COPG1: variants seen among roughly 807,000 people sequenced by gnomAD.
COPG1 encodes coat protein complex I subunit gamma 1.
Under a neutral mutation model 102.8 loss-of-function variants are expected in COPG1, and 29 were observed. That is an observed-to-expected ratio of 0.28 (90% CI 0.21 to 0.38). The LOEUF is 0.38. Among genes scored for constraint, COPG1 ranks in the 10% least tolerant of loss-of-function variants. The pLI, the probability that COPG1 is intolerant of heterozygous loss-of-function variation, is 1.00. For missense variants in COPG1, 875 were observed against 1,132.7 expected (o/e 0.77, Z 3.27); for synonymous variants, 406 against 421.6 (o/e 0.96, Z 0.45).
Position 129,254,651 on chromosome 3 carries a change from T to C in COPG1, c.324-17T>C. On this transcript the variant is annotated splice_polypyrimidine_tract_variant and intron_variant, in intron 5 of 23. Transcript: ENST00000314797. ...GCCCAGGCTCTCTGCATGCTGACAA[T>C]GCCTTCTTCCCTGCAGCCTAACAAA... The C allele has an allele frequency of 6.2e-7, 1 of 1,610,724 alleles. No homozygotes were observed. Among genetic ancestry groups the C allele is most frequent in the East Asian group, 2.2e-5 (1 of 44,866 alleles).
chr3:129,262,514 A>G lies in COPG1; in HGVS notation c.1129-1390A>G, dbSNP rs544911037. On this transcript the variant is annotated intron_variant, in intron 12 of 23. Coordinates refer to ENST00000314797, the MANE Select transcript of COPG1 (RefSeq NM_016128.4). ...ATGATCAACCCGCCTTGGCCTCCCA[A>G]AGTGCTGGGATTACAGACGTGAGCC... is the stretch of plus-strand genomic sequence containing the variant. 8.5e-5 allele frequency among the ~76,000 whole-genome samples: 13 copies of G among 152,076 alleles called. No homozygotes were observed. The East Asian group carries it at 2.3e-3, about 27-fold the overall frequency.
intron 8 of COPG1, 40 bp downstream of exon 8, chr3:129,256,194 G>A (rs1320752287): frequency 6.4e-7 from 1 of 1,571,150 alleles, no homozygotes; most frequent in African/African-American, 1.3e-5. Context: ...AAACACTCAG[G>A]CAGGTGGTAA....
At chr3:129,265,489 G>T in intron 13 of COPG1, 60 bp from the exon 14 acceptor site, 1 of 1,588,542 alleles carries the variant, frequency 6.3e-7, no homozygotes, top group South Asian at 1.1e-5. Flanking sequence ...GTCCAGCTCA[G>T]GTCTTCAACT....
At chr3:129,270,354 C>T (rs572354580) in intron 18 of COPG1, among the ~76,000 whole-genome samples, 2 of 152,072 alleles carry the variant, frequency 1.3e-5, no homozygotes, top group African/African-American at 4.8e-5. Context: ...ATGTTCAGTT[C>T]CAAGAACTTT....
At chr3:129,257,682 TG>T in intron 9 of COPG1, 44 bp from the exon 10 acceptor site, 1 of 1,613,346 alleles carries the variant, frequency 6.2e-7, no homozygotes, top group African/African-American at 1.3e-5. Flanking sequence ...CCTACCATGC[TG>T]GGCCACCCCC....
At chr3:129,252,829 C>T in intron 4 of COPG1, 47 bp from the exon 5 acceptor site, 3 of 1,595,836 alleles carry the variant, frequency 1.9e-6, no homozygotes, top group Middle Eastern at 1.7e-4. Context: ...CCAACTCTGG[C>T]CCTTGGTGAG....
In COPG1 at chr3:129,271,865, A is replaced by C; in HGVS notation, c.1942A>C (p.Ile648Leu). 2 of 1,614,164 alleles carry C rather than the reference A, an allele frequency of 1.2e-6. No homozygotes were observed. Among genetic ancestry groups the C allele is most frequent in the Non-Finnish European group, 1.7e-6 (2 of 1,180,044 alleles). ...ALTESETEYV[I>L]RCTKHTFTNH... is the part of the protein sequence containing the mutation. ...CACCGAGTCAGAGACGGAGTATGTC[A>C]TCCGCTGCACCAAACACACCTTCAC... Residue 648 changes from isoleucine (I) to leucine (L), a missense_variant, in exon 19 of 24, where the codon ATC becomes CTC. Ile to Leu is a conservative substitution (Grantham distance 5, BLOSUM62 2). Transcript: ENST00000314797. This position sits in a 1 kb window ranked among gnomAD's most constrained non-coding sequence, Gnocchi z 4.7.
At position 129,260,663 on chromosome 3, in the gene COPG1, T is replaced by A; in HGVS notation, c.984T>A (p.Asp328Glu). 4 of 1,614,134 alleles carry A rather than the reference T, an allele frequency of 2.5e-6. No homozygotes were observed. Among genetic ancestry groups the A allele is most frequent in the Non-Finnish European group, 3.4e-6 (4 of 1,180,030 alleles). Residue 328 changes from aspartate (D) to glutamate (E), a missense_variant, in exon 12 of 24, where the codon GAT (aspartate) becomes GAA (glutamate). Physicochemically the swap from Asp to Glu is conservative, Grantham distance 45 (BLOSUM62 2). Transcript: ENST00000314797. ...HPSAVTACNL[D>E]LENLVTDSNR... is the part of the protein sequence containing the mutation. The stretch of plus-strand genomic sequence containing the variant: ...CAGCTGTGACAGCTTGTAATCTGGA[T>A]CTGGAGAACCTGGTCACAGATTCAA...
In COPG1 at chr3:129,274,840, G is replaced by A. The variant is rs1289558748; in HGVS notation, c.2259G>A (p.Leu753=). ...DDEGYEDEYV[L]EDLEVTVADH... ...GATTTCTACCTCCATCTCTCCAGCT[G>A]GAAGATCTGGAAGTTACTGTAGCTG... The change falls in exon 22 of 24, where the codon CTG becomes CTA. Residue 753 remains leucine, a splice_region_variant and synonymous_variant. Transcript: ENST00000314797. 1 of 1,613,950 alleles carries A rather than the reference G, an allele frequency of 6.2e-7. No homozygotes were observed. Among genetic ancestry groups the A allele is most frequent in the Non-Finnish European group, 8.5e-7 (1 of 1,180,004 alleles).
At chr3:129,258,934 A>C (rs1000828628) in intron 10 of COPG1, among the ~76,000 whole-genome samples, 7 of 152,046 alleles carry the variant, frequency 4.6e-5, no homozygotes, top group African/African-American at 1.7e-4. Flanking sequence ...AGAAAAGGAG[A>C]GGTGCTTAGG....
chr3:129,251,371 T>A lies in COPG1; in HGVS notation c.90+637T>A, dbSNP rs536275199. Among the ~76,000 whole-genome samples, 278 of 146,664 alleles carry A rather than the reference T, an allele frequency of 1.9e-3. 4 individuals carry two copies. Among genetic ancestry groups the A allele is most frequent in the East Asian group, 0.016 (81 of 5,086 alleles). Reference sequence around the variant, plus strand: ...TGTTTATTTTTATTATATATATTTTTTATATATATATATATATGTATTTTT... The same window carrying A: ...TGTTTATTTTTATTATATATATTTTATATATATATATATATATGTATTTTT... On this transcript the variant is annotated intron_variant, in intron 2 of 23. Transcript: ENST00000314797.
chr3:129,256,266 G>A (rs1939808132), intron 8 of COPG1, 112 bp downstream of exon 8: 2 of 830,634 alleles, frequency 2.4e-6, no homozygotes, highest in Non-Finnish European at 3.9e-6. Flanking sequence ...GGCCATAGCA[G>A]GCTTTAATCC....
chr3:129,256,447 A>G (rs1939811695), intron 8 of COPG1, among the ~76,000 whole-genome samples: 1 of 152,254 alleles, frequency 6.6e-6, no homozygotes, highest in African/African-American at 2.4e-5. Flanking sequence ...AACTTGGCCA[A>G]GGCAGGCAGA....
In COPG1 at chr3:129,250,962, C is replaced by T. The variant is rs555423089; in HGVS notation, c.90+228C>T. On this transcript the variant is annotated intron_variant, in intron 2 of 23. Transcript: ENST00000314797. Reference sequence around the variant, plus strand: ...TTTCTGAGACAGAGTCTTGCTCTGTCGCTCAGGCTGGAGTGCAGTGGCGTG... The same window carrying T: ...TTTCTGAGACAGAGTCTTGCTCTGTTGCTCAGGCTGGAGTGCAGTGGCGTG... 45 of 409,742 alleles carry T rather than the reference C, an allele frequency of 1.1e-4. No homozygotes were observed. The East Asian group carries it at 1.8e-3, about 17-fold the overall frequency. 25.4% of individuals were successfully genotyped at this position (409,742 alleles called of 1,614,324 possible). A position where few individuals can be genotyped will look rare whatever the true frequency, so the allele number is the denominator to read the frequency against.
chr3:129,259,897 C>T (rs1939890895), intron 10 of COPG1, among the ~76,000 whole-genome samples: 1 of 152,182 alleles, frequency 6.6e-6, no homozygotes, highest in South Asian at 2.1e-4. Flanking sequence ...AATATTACTT[C>T]ACAGAGGTTA....
At chr3:129,268,396 C>T in intron 16 of COPG1, 99 bp from the exon 17 acceptor site, 1 of 1,263,096 alleles carries the variant, frequency 7.9e-7, no homozygotes. Context: ...GGTCATACTA[C>T]TTAGGACTTG....
At chr3:129,260,018 A>G (rs1018012667) in intron 10 of COPG1, among the ~76,000 whole-genome samples, 5 of 152,306 alleles carry the variant, frequency 3.3e-5, no homozygotes, top group South Asian at 4.1e-4. Context: ...CAGTCTCCTT[A>G]TCTGTAAAGT....
chr3:129,255,122 T>C lies in COPG1; in HGVS notation c.492+45T>C, dbSNP rs371990068. 6.6e-5 allele frequency: 86 copies of C among 1,302,694 alleles called. 1 individual carries two copies. In the African/African-American group the frequency reaches 1.1e-3, roughly 17 times the overall value. The allele number at this position is 1,302,694 out of a possible 1,614,324, so 80.7% of individuals were successfully genotyped here. On this transcript the variant is annotated intron_variant, in intron 7 of 23. Transcript: ENST00000314797. ...GCCCTGCTGGGGGTGGGGTAGAAAA[T>C]TGAAGAAAATTTAAGAGTCACATTC...
intron 8 of COPG1, among the ~76,000 whole-genome samples, chr3:129,257,137 T>G (rs1330669896): frequency 2.6e-5 from 4 of 152,200 alleles, no homozygotes; most frequent in African/African-American, 9.7e-5. Flanking sequence ...CTCTCTCTCA[T>G]TGTCTGATTG....
Sources: allele counts gnomAD v4.1 joint callset (sites outside exome capture counted in the v4.1 genomes callset), GRCh38; gene constraint gnomAD v4.1.1; non-coding constraint Gnocchi (gnomAD v3.1); transcripts MANE v1.5; gene names NCBI Gene and HGNC (gene_info 2026-07-23, HGNC 2026-07-21).